Variants in ANK2 observed in about 807,000 individuals in gnomAD.
The protein encoded by ANK2 is ankyrin-2.
In ANK2, 83 loss-of-function variants were observed where a neutral mutation model predicts 360.5. The observed-to-expected ratio is 0.23, with a 90% CI of 0.19 to 0.28. The LOEUF (loss-of-function observed/expected upper bound fraction) is 0.28, where lower values mean the gene tolerates loss of function less well. ANK2 is among the 10% of genes least tolerant of loss of function. The probability of loss-of-function intolerance (pLI) is 1.00; values close to 1 mark genes in which losing one functional copy is unlikely to be tolerated. For missense variants in ANK2, 4,201 were observed against 4,795.7 expected (o/e 0.88, Z 3.66); for synonymous variants, 1,740 against 1,759.5 (o/e 0.99, Z 0.28).
chr4:113,288,939 T>C (rs2066149763), intron 20 of ANK2, among the ~76,000 whole-genome samples: 2 of 152,178 alleles, frequency 1.3e-5, no homozygotes, highest in Non-Finnish European at 2.9e-5. Context: ...AGTGAGGCAA[T>C]AATGTATAAG....
At chr4:112,850,252 CTAT>C (rs2064373217) in intron 1 of ANK2, among the ~76,000 whole-genome samples, 5 of 49,098 alleles carry the variant, frequency 1.0e-4, no homozygotes, top group South Asian at 8.7e-4. Context: ...GAAATTTCAT[CTAT>C]CTATCTATCT....
At position 113,237,163 on chromosome 4, in the gene ANK2, A is replaced by T; in HGVS notation, c.660A>T (p.Val220=). The T allele has an allele frequency of 6.2e-7, 1 of 1,613,900 alleles. No individual in the cohort carries two copies. The highest frequency in any genetic ancestry group is 8.5e-7 in the Non-Finnish European group (1 of 1,179,814). Residue 220 remains valine (V), a synonymous_variant, in exon 6 of 46, where the codon GTA becomes GTT. Coordinates refer to ENST00000357077, the MANE Select transcript of ANK2 (RefSeq NM_001148.6). ...TTCAGAATGACCACAATGCTGACGT[A>T]CAATCCAAGGTACTTAAAGCTGAAC... is the stretch of plus-strand genomic sequence containing the variant. ...LLLQNDHNAD[V]QSKMMVNRTT... is the part of the protein sequence containing the mutation.
At chr4:113,331,554 T>G (rs1180469036) in intron 27 of ANK2, among the ~76,000 whole-genome samples, 1 of 152,242 alleles carries the variant, frequency 6.6e-6, no homozygotes, top group Non-Finnish European at 1.5e-5. Context: ...TCATATTCTG[T>G]GTCAGACCCT....
intron 2 of ANK2, among the ~76,000 whole-genome samples, chr4:113,181,407 G>A (rs995903148): frequency 1.3e-4 from 19 of 151,926 alleles, no homozygotes; most frequent in African/African-American, 4.4e-4. Context: ...TTTTTCTGCC[G>A]GTCTGAACTC....
chr4:113,354,382 A>G lies in ANK2; in HGVS notation c.5764A>G (p.Thr1922Ala), dbSNP rs1371454689. ...TCCACCTGTATCGCCCTCCGGGAGGACAGAAAAACACCCGCCAGTATCGCC... is the reference window on the plus strand; with the variant it reads ...TCCACCTGTATCGCCCTCCGGGAGGGCAGAAAAACACCCGCCAGTATCGCC... ...KRPPVSPSGR[T>A]EKHPPVSPGR... is the part of the protein sequence containing the mutation. Residue 1922 changes from threonine (T) to alanine (A), a missense_variant, in exon 38 of 46, where the codon ACA becomes GCA. Coordinates refer to ENST00000357077, the MANE Select transcript of ANK2 (RefSeq NM_001148.6). The G allele has an allele frequency of 1.2e-6, 2 of 1,613,956 alleles. No individual in the cohort carries two copies. Among genetic ancestry groups the G allele is most frequent in the African/African-American group, 2.7e-5 (2 of 75,014 alleles).
chr4:113,124,182 G>A (rs528815702), intron 1 of ANK2, among the ~76,000 whole-genome samples: 7 of 152,256 alleles, frequency 4.6e-5, no homozygotes, highest in East Asian at 1.9e-4. Context: ...TCTTAAACAC[G>A]TTATGCTGTT....
rs188677810 is a variant in ANK2, at chr4:112,937,263, A to G, written c.21+32749A>G. The stretch of plus-strand genomic sequence containing the variant: ...CTTTTGGATGGCAGGCTCTATATGG[A>G]AGCGGCTATAAAAGTACTCAAGATA... On this transcript the variant is annotated intron_variant, in intron 2 of 30. Coordinates refer to the ANK2 transcript ENST00000503271. Among the ~76,000 whole-genome samples, 268 of 152,220 alleles carry G rather than the reference A, an allele frequency of 1.8e-3. 1 individual carries two copies. The highest frequency in any genetic ancestry group is 5.2e-3 in the Admixed American group (79 of 15,294).
the ANK2 span, among the ~76,000 whole-genome samples, chr4:112,805,449 T>G: frequency 2.1e-4 from 32 of 152,156 alleles, no homozygotes; most frequent in African/African-American, 7.2e-4. Context: ...GTGCTCGCTA[T>G]GCACCAGGCA....
chr4:112,944,376 C>T (rs1195350926), intron 2 of ANK2, among the ~76,000 whole-genome samples: 1 of 152,102 alleles, frequency 6.6e-6, no homozygotes, highest in Admixed American at 6.5e-5. Flanking sequence ...TTTTCTTTAA[C>T]TTGGGTAAAT....
At chr4:113,155,550 C>T (rs1039606483) in intron 1 of ANK2, among the ~76,000 whole-genome samples, 5 of 151,412 alleles carry the variant, frequency 3.3e-5, no homozygotes, top group Admixed American at 2.0e-4. Context: ...CACTAAAATA[C>T]GTTTTAGGAA....
At chr4:113,115,098 C>T (rs1439597556) in intron 1 of ANK2, among the ~76,000 whole-genome samples, 1 of 152,154 alleles carries the variant, frequency 6.6e-6, no homozygotes, top group Non-Finnish European at 1.5e-5. Flanking sequence ...TTTGACACCA[C>T]AACAGCTGAT....
At chr4:113,328,656 C>T (rs900553959) in intron 26 of ANK2, among the ~76,000 whole-genome samples, 9 of 152,122 alleles carry the variant, frequency 5.9e-5, no homozygotes, top group South Asian at 2.1e-4. Flanking sequence ...AAACTTTAAG[C>T]GGGCTAGGTA....
intron 1 of ANK2, among the ~76,000 whole-genome samples, chr4:113,155,433 T>G (rs1034883229): frequency 6.6e-6 from 1 of 152,074 alleles, no homozygotes; most frequent in Non-Finnish European, 1.5e-5. Context: ...AAGAGATACC[T>G]AAAAAAGGAG....
intron 1 of ANK2, among the ~76,000 whole-genome samples, chr4:112,866,098 CT>C (rs1374745977): frequency 6.6e-6 from 1 of 152,192 alleles, no homozygotes; most frequent in Non-Finnish European, 1.5e-5. Flanking sequence ...CTATAGCTAT[CT>C]TTTCGGCTGA....
chr4:112,837,372 G>A (rs2061211278), intron 1 of ANK2, among the ~76,000 whole-genome samples: 1 of 152,262 alleles, frequency 6.6e-6, no homozygotes, highest in African/African-American at 2.4e-5. Flanking sequence ...GTCTGCTGCA[G>A]CTGCAGGGAT....
chr4:112,751,395 G>C, the ANK2 span, among the ~76,000 whole-genome samples: 1 of 152,236 alleles, frequency 6.6e-6, no homozygotes, highest in Non-Finnish European at 1.5e-5. Flanking sequence ...CCATTAACTA[G>C]CTAAAGGACT....
At chr4:113,307,228 T>C (rs1374750427) in intron 23 of ANK2, among the ~76,000 whole-genome samples, 2 of 152,178 alleles carry the variant, frequency 1.3e-5, no homozygotes, top group African/African-American at 4.8e-5. Context: ...CGCCTCCTCC[T>C]TTGAAACACT....
intron 1 of ANK2, among the ~76,000 whole-genome samples, chr4:113,128,020 T>C (rs1167818854): frequency 2.0e-5 from 3 of 152,246 alleles, no homozygotes; most frequent in South Asian, 2.1e-4. Context: ...ACAAATTTCA[T>C]GTGCAAGTCA....
At chr4:113,048,274 ATATTTTTTTTTTTTTT>A (rs1294776727), upstream of ANK2, among the ~76,000 whole-genome samples, 1 of 41,732 alleles carries the variant, frequency 2.4e-5, no homozygotes, top group African/African-American at 1.2e-4. Context: ...ATATATATAT[ATATTTTTTTTTTTTTT>A]TTTTTTTTTT....
Sources: gnomAD v4.1 joint callset for allele counts (sites outside exome capture counted in the v4.1 genomes callset) on GRCh38, gnomAD v4.1.1 for gene constraint, MANE v1.5 for transcripts, NCBI Gene and HGNC (gene_info 2026-07-23, HGNC 2026-07-21) for gene names.